The following TBCEL variants were observed in gnomAD, a reference collection of about 807,000 sequenced individuals.
TBCEL encodes the protein tubulin folding cofactor E like.
In TBCEL, 15 loss-of-function variants were observed where a neutral mutation model predicts 44.2. The observed-to-expected ratio is 0.34, with a 90% confidence interval of 0.23 to 0.52. The LOEUF is 0.52. TBCEL is among the 20% of genes least tolerant of loss of function. The pLI is 0.95. For missense variants in TBCEL, 319 were observed against 506.3 expected, an observed-to-expected ratio of 0.63 and a Z score of 3.55; for synonymous variants, 171 against 185.4, an observed-to-expected ratio of 0.92 and a Z score of 0.63.
chr11:121,045,147 C>T lies in TBCEL; in HGVS notation c.-17-527C>T, dbSNP rs1453056371. Reference sequence around the variant, plus strand: ...ATCTTTTAACGATGATTCTTAGAAGCTGCCACAGAATACTTGGTTTCTAGC... The same window carrying T: ...ATCTTTTAACGATGATTCTTAGAAGTTGCCACAGAATACTTGGTTTCTAGC... On this transcript the variant is annotated intron_variant, in intron 2 of 8. Coordinates refer to ENST00000683345, the MANE Select transcript of TBCEL (RefSeq NM_001363644.2). 2.0e-5 allele frequency among the ~76,000 whole-genome samples: 3 copies of T among 152,132 alleles called. No homozygotes were observed. The East Asian group carries it at 5.8e-4, about 29-fold the overall frequency.
At chr11:121,070,372 T>C (rs1157803512) in intron 8 of TBCEL, among the ~76,000 whole-genome samples, 1 of 152,204 alleles carries the variant, frequency 6.6e-6, no homozygotes, top group Non-Finnish European at 1.5e-5. Context: ...CAAAGGATTA[T>C]AAATCATGCT....
At position 121,086,943 on chromosome 11, in the gene TBCEL, T is replaced by C. The variant is rs760710052; in HGVS notation, c.1122T>C (p.Thr374=). 1.2e-6 allele frequency: 2 copies of C among 1,614,096 alleles called. No homozygotes were observed. Among genetic ancestry groups the C allele is most frequent in the Non-Finnish European group, 1.7e-6 (2 of 1,180,016 alleles). Reference sequence around the variant, plus strand: ...CAGAACTAAAGAAACAGTTAAAAACTCTAGTACAATTACCCACAAGCAACA... The same window carrying C: ...CAGAACTAAAGAAACAGTTAAAAACCCTAGTACAATTACCCACAAGCAACA... ...TVAELKKQLK[T]LVQLPTSNML... The change falls in exon 9 of 9, where the codon ACT becomes ACC. Residue 374 remains threonine, a synonymous_variant. Coordinates refer to ENST00000683345, the MANE Select transcript of TBCEL (RefSeq NM_001363644.2).
chr11:121,044,292 C>A (rs372691046), intron 2 of TBCEL, among the ~76,000 whole-genome samples: 6 of 152,076 alleles, frequency 3.9e-5, no homozygotes, highest in Non-Finnish European at 7.4e-5. Flanking sequence ...CCTAAAACTT[C>A]GTTGTTGTAT....
In TBCEL at chr11:121,047,756, G is replaced by T; in HGVS notation, c.273+89G>T. 2.0e-6 allele frequency: 3 copies of T among 1,478,854 alleles called. No homozygotes were observed. In the South Asian group the frequency reaches 3.8e-5, roughly 19 times the overall value. The allele number at this position is 1,478,854 out of a possible 1,614,324, so 91.6% of individuals were successfully genotyped here. On this transcript the variant is annotated intron_variant, in intron 4 of 8. Transcript: ENST00000683345. ...GTTATTATATGTTCTGCTAAATTCT[G>T]TTCTCACTTGATGTCTGTATGACTT...
intron 8 of TBCEL, among the ~76,000 whole-genome samples, chr11:121,068,489 T>C (rs1312411992): frequency 6.6e-6 from 1 of 152,138 alleles, no homozygotes; most frequent in Non-Finnish European, 1.5e-5. Flanking sequence ...CTTGTGTTAT[T>C]GTAGTAGCCT....
At chr11:121,029,067 TCTCA>T (rs1286296762) in intron 1 of TBCEL, among the ~76,000 whole-genome samples, 4 of 152,290 alleles carry the variant, frequency 2.6e-5, no homozygotes, top group African/African-American at 9.6e-5. Flanking sequence ...ATTTTGCATT[TCTCA>T]CTCATTTGTG....
chr11:121,047,022 G>A (rs1291631587), intron 3 of TBCEL, among the ~76,000 whole-genome samples: 1 of 152,022 alleles, frequency 6.6e-6, no homozygotes, highest in East Asian at 1.9e-4. Context: ...CTTGAATGAT[G>A]TAAACTTAAC....
At position 121,089,206 on chromosome 11, in the gene TBCEL, CTTATG is replaced by C. The variant is rs1946258425; in HGVS notation, c.*2116_*2120del. Reference sequence around the variant, plus strand: ...CCCACAGCAGAAGGCAGAACAAACACTTATGTTATGCTTTAATCATAAGTGGAATG... The same window carrying C: ...CCCACAGCAGAAGGCAGAACAAACACTTATGCTTTAATCATAAGTGGAATG... On this transcript the variant is annotated 3_prime_UTR_variant, in exon 9 of 9. Transcript: ENST00000683345. 6.6e-6 allele frequency: 1 copy of C among 152,084 alleles called. No individual in the cohort carries two copies. The highest frequency in any genetic ancestry group is 1.5e-5 in the Non-Finnish European group (1 of 68,000). 9.4% of individuals were successfully genotyped at this position (152,084 alleles called of 1,614,324 possible).
intron 8 of TBCEL, among the ~76,000 whole-genome samples, chr11:121,078,725 G>A (rs572770554): frequency 1.1e-3 from 163 of 152,172 alleles, no homozygotes; most frequent in African/African-American, 3.8e-3. Flanking sequence ...CCTTTGCCTT[G>A]TATGACCTGA....
intron 8 of TBCEL, 120 bp downstream of exon 8, chr11:121,060,205 C>A: frequency 3.0e-6 from 2 of 662,950 alleles, no homozygotes; most frequent in Non-Finnish European, 5.2e-6. Context: ...TTTGTTAATA[C>A]GTTAAAAAAA....
chr11:121,079,555 A>G (rs1283374109), intron 8 of TBCEL, among the ~76,000 whole-genome samples: 2 of 152,152 alleles, frequency 1.3e-5, no homozygotes, highest in Non-Finnish European at 2.9e-5. Flanking sequence ...AAATTATGTA[A>G]TAGATGGTTT....
chr11:121,072,888 G>C (rs1203289391), intron 8 of TBCEL, among the ~76,000 whole-genome samples: 1 of 152,018 alleles, frequency 6.6e-6, no homozygotes, highest in African/African-American at 2.4e-5. Flanking sequence ...GTTTCAAATA[G>C]AGATCTGGCC....
intron 8 of TBCEL, among the ~76,000 whole-genome samples, chr11:121,063,411 C>G (rs907540177): frequency 6.6e-6 from 1 of 152,192 alleles, no homozygotes; most frequent in East Asian, 1.9e-4. Context: ...ATACATTTCT[C>G]TCTCCTTAAA....
At chr11:121,038,696 G>T (rs1229778968) in intron 2 of TBCEL, among the ~76,000 whole-genome samples, 1 of 151,982 alleles carries the variant, frequency 6.6e-6, no homozygotes, top group Admixed American at 6.5e-5. Flanking sequence ...CTTAGTTTTT[G>T]CTGACCTCCC....
At chr11:121,062,660 G>T (rs148084015) in intron 8 of TBCEL, among the ~76,000 whole-genome samples, 1 of 152,254 alleles carries the variant, frequency 6.6e-6, no homozygotes, top group African/African-American at 2.4e-5. Flanking sequence ...ACTAGTTGGT[G>T]TTCTTGAATG....
intron 8 of TBCEL, among the ~76,000 whole-genome samples, chr11:121,081,599 A>G (rs1302777087): frequency 6.6e-6 from 1 of 152,226 alleles, no homozygotes; most frequent in Non-Finnish European, 1.5e-5. Context: ...TCAGGCATGC[A>G]ATGCATGCAG....
At chr11:121,082,443 ACT>A (rs1405155540) in intron 8 of TBCEL, among the ~76,000 whole-genome samples, 5 of 151,592 alleles carry the variant, frequency 3.3e-5, no homozygotes, top group African/African-American at 7.3e-5. Flanking sequence ...AGTTGGAAAA[ACT>A]CTGTTTTTGA....
At chr11:121,049,483 A>C (rs1184968316) in intron 4 of TBCEL, among the ~76,000 whole-genome samples, 2 of 151,842 alleles carry the variant, frequency 1.3e-5, no homozygotes, top group Non-Finnish European at 2.9e-5. Context: ...TTTGCAATGC[A>C]TGTCACCTAT....
At chr11:121,053,075 ATAATG>A (rs555821716) in intron 4 of TBCEL, among the ~76,000 whole-genome samples, 14 of 151,896 alleles carry the variant, frequency 9.2e-5, no homozygotes, top group Admixed American at 7.2e-4. Context: ...AGTGATTGTG[ATAATG>A]TAGTCAAATT....
Sources: gnomAD v4.1 joint callset for allele counts (sites outside exome capture counted in the v4.1 genomes callset) on GRCh38, gnomAD v4.1.1 for gene constraint, MANE v1.5 for transcripts, NCBI Gene and HGNC (gene_info 2026-07-23, HGNC 2026-07-21) for gene names.